The following KCNN2 variants were observed in gnomAD, a reference collection of about 807,000 sequenced individuals.
KCNN2 encodes the protein potassium calcium-activated channel subfamily N member 2, also known as small conductance calcium-activated potassium channel protein 2.
KCNN2 carries 24 observed loss-of-function variants against 55.5 expected under a neutral mutation model. The ratio of observed to expected loss-of-function variants is 0.43; its 90% CI spans 0.31 to 0.61. The LOEUF is 0.61. KCNN2 is among the 20% of genes least tolerant of loss of function. The pLI, the probability that KCNN2 is intolerant of heterozygous loss-of-function variation, is 0.08. For missense variants in KCNN2, 754 were observed against 853.6 expected (o/e 0.88, Z 1.45); for synonymous variants, 431 against 336.1 (o/e 1.28, Z -3.09).
chr5:114,074,401 G>A (rs1750644688), intron 1 of KCNN2, among the ~76,000 whole-genome samples: 1 of 152,026 alleles, frequency 6.6e-6, no homozygotes, highest in Non-Finnish European at 1.5e-5. Flanking sequence ...TCCACAAGGA[G>A]ACAAATACCA....
intron 1 of KCNN2, among the ~76,000 whole-genome samples, chr5:114,102,593 C>T (rs1318980166): frequency 6.6e-6 from 1 of 152,018 alleles, no homozygotes; most frequent in African/African-American, 2.4e-5. Flanking sequence ...ATCTTTAATC[C>T]ACTGTGAGTT....
rs546654335 is a variant in KCNN2, at chr5:114,124,008, A to G, written c.-271+67508A>G. On this transcript the variant is annotated intron_variant, in intron 1 of 10. Coordinates refer to the KCNN2 transcript ENST00000512097. ...TTGCAACAAGAATGTTGTTTTACACAGAAAAAGCTAAATCTCAGTAATCAA... is the reference window on the plus strand; with the variant it reads ...TTGCAACAAGAATGTTGTTTTACACGGAAAAAGCTAAATCTCAGTAATCAA... Among the ~76,000 whole-genome samples, 25 of 152,326 alleles carry G rather than the reference A, an allele frequency of 1.6e-4. No individual in the cohort carries two copies. The South Asian group carries it at 5.2e-3, about 32-fold the overall frequency.
chr5:114,256,964 TAA>T (rs570958536), intron 2 of KCNN2, among the ~76,000 whole-genome samples: 101 of 152,330 alleles, frequency 6.6e-4, no homozygotes, highest in African/African-American at 2.1e-3. Context: ...GAGATTTTCC[TAA>T]GTTTTCTTCT....
intron 1 of KCNN2, among the ~76,000 whole-genome samples, chr5:114,212,548 T>C (rs1753909469): frequency 6.6e-6 from 1 of 152,026 alleles, no homozygotes; most frequent in Non-Finnish European, 1.5e-5. Context: ...AAAGCTGTTA[T>C]AAAAAGTTTT....
intron 2 of KCNN2, among the ~76,000 whole-genome samples, chr5:114,224,160 C>G (rs1754198281): frequency 6.6e-6 from 1 of 152,094 alleles, no homozygotes; most frequent in South Asian, 2.1e-4. Flanking sequence ...CTGTGGTTTT[C>G]AGAGTCCCAG....
intron 1 of KCNN2, among the ~76,000 whole-genome samples, chr5:114,211,635 AAT>A (rs1753887722): frequency 6.6e-6 from 1 of 152,102 alleles, no homozygotes; most frequent in Admixed American, 6.6e-5. Context: ...GTGATGAAAT[AAT>A]CTATATACCA....
At chr5:114,285,305 AAGAG>A (rs1561555115) in intron 2 of KCNN2, among the ~76,000 whole-genome samples, 1 of 150,386 alleles carries the variant, frequency 6.6e-6, no homozygotes, top group East Asian at 2.0e-4. Flanking sequence ...AAAAAAAAAA[AAGAG>A]AGACAGTTGG....
At chr5:114,377,824 CA>C (rs1159271519) in intron 2 of KCNN2, among the ~76,000 whole-genome samples, 1 of 152,184 alleles carries the variant, frequency 6.6e-6, no homozygotes, top group Non-Finnish European at 1.5e-5. Context: ...TTTTGGGATT[CA>C]GTAAGACAGT....
In KCNN2 at chr5:114,058,985, A is replaced by C. The variant is rs1315763553; in HGVS notation, c.-271+2485A>C. On this transcript the variant is annotated intron_variant, in intron 1 of 10. Coordinates refer to the KCNN2 transcript ENST00000512097. Reference sequence around the variant, plus strand: ...TTCAGCCCATGTTCCTCTTGCCAGGAAATGTCCCAGTGCCAGGCTGTGAAA... The same window carrying C: ...TTCAGCCCATGTTCCTCTTGCCAGGCAATGTCCCAGTGCCAGGCTGTGAAA... Among the ~76,000 whole-genome samples, 4 of 152,280 alleles carry C rather than the reference A, an allele frequency of 2.6e-5. No homozygotes were observed. The East Asian group carries it at 7.7e-4, about 29-fold the overall frequency.
intron 1 of KCNN2, among the ~76,000 whole-genome samples, chr5:114,139,644 G>A (rs1298101653): frequency 6.6e-6 from 1 of 150,656 alleles, no homozygotes; most frequent in Non-Finnish European, 1.5e-5. Context: ...AAATAATATA[G>A]TATTTACTTT....
intron 3 of KCNN2, among the ~76,000 whole-genome samples, chr5:114,447,779 T>C (rs758099527): frequency 3.9e-5 from 6 of 152,240 alleles, no homozygotes; most frequent in Non-Finnish European, 8.8e-5. Context: ...TACAAGTGTA[T>C]TTTGATGAGC....
chr5:114,072,073 A>T (rs1177714832), intron 1 of KCNN2, among the ~76,000 whole-genome samples: 3 of 152,130 alleles, frequency 2.0e-5, no homozygotes. Flanking sequence ...TGGGTGGATC[A>T]CCTGAGGTCG....
chr5:114,307,763 G>A (rs2150024896), intron 2 of KCNN2, among the ~76,000 whole-genome samples: 2 of 152,148 alleles, frequency 1.3e-5, no homozygotes, highest in African/African-American at 4.8e-5. Context: ...TCAGTAATCT[G>A]CCAAGACAGT....
intron 1 of KCNN2, among the ~76,000 whole-genome samples, chr5:114,163,295 C>G (rs1214219714): frequency 1.3e-5 from 2 of 152,074 alleles, no homozygotes; most frequent in African/African-American, 4.8e-5. Context: ...TTTCTCTTGC[C>G]TGATTGCCCT....
intron 2 of KCNN2, among the ~76,000 whole-genome samples, chr5:114,345,689 A>C (rs934120179): frequency 6.6e-6 from 1 of 152,202 alleles, no homozygotes; most frequent in Non-Finnish European, 1.5e-5. Flanking sequence ...GTAATTTCTA[A>C]AGAAAAGAGG....
chr5:114,124,625 C>G (rs181860015), intron 1 of KCNN2, among the ~76,000 whole-genome samples: 394 of 152,302 alleles, frequency 2.6e-3, no homozygotes, highest in South Asian at 0.01. Context: ...TCCCTTGTCT[C>G]TGCTCCAGTC....
At chr5:114,422,610 T>G (rs1429571839) in intron 3 of KCNN2, among the ~76,000 whole-genome samples, 1 of 152,238 alleles carries the variant, frequency 6.6e-6, no homozygotes, top group African/African-American at 2.4e-5. Context: ...AAGTCTGTTA[T>G]GGATTACAAA....
rs1757439898 is a variant in KCNN2 at position 114,362,104 on chromosome 5, A to G, written c.-36A>G. 1 of 155,360 alleles carries G rather than the reference A, an allele frequency of 6.4e-6. No individual in the cohort carries two copies. Among genetic ancestry groups the G allele is most frequent in the Non-Finnish European group, 1.4e-5 (1 of 70,080 alleles). 9.6% of individuals were successfully genotyped at this position (155,360 alleles called of 1,614,324 possible). A position where few individuals can be genotyped will look rare whatever the true frequency, so the allele number is the denominator to read the frequency against. Reference sequence around the variant, plus strand: ...CATAACGCATTGCGCAGGGTGCACCACCGCTTGGTCTCCCTGCAGCTTTAA... The same window carrying G: ...CATAACGCATTGCGCAGGGTGCACCGCCGCTTGGTCTCCCTGCAGCTTTAA... On this transcript the variant is annotated 5_prime_UTR_variant, in exon 1 of 8. Coordinates refer to ENST00000673685, the MANE Select transcript of KCNN2 (RefSeq NM_021614.4).
At chr5:114,193,185 TCTCCCCTGCATGA>T (rs1304138561) in intron 1 of KCNN2, among the ~76,000 whole-genome samples, 2 of 152,068 alleles carry the variant, frequency 1.3e-5, no homozygotes, top group Non-Finnish European at 2.9e-5. Flanking sequence ...TCTTCAAATG[TCTCCCCTGCATGA>T]CTGAGTTTTC....
Sources: gnomAD v4.1 joint callset for allele counts (sites outside exome capture counted in the v4.1 genomes callset) on GRCh38, gnomAD v4.1.1 for gene constraint, MANE v1.5 for transcripts, NCBI Gene and HGNC (gene_info 2026-07-23, HGNC 2026-07-21) for gene names.